Variants in CENPE observed in about 807,000 individuals in gnomAD.
CENPE encodes the protein centromere-associated protein E.
A neutral mutation model predicts 336.1 loss-of-function variants in CENPE; 145 were observed. The ratio of observed to expected loss-of-function variants is 0.43; its 90% confidence interval spans 0.38 to 0.50. CENPE has a LOEUF of 0.50. Among genes scored for constraint, CENPE ranks in the 20% least tolerant of loss-of-function variants. CENPE has a pLI of 0.00. For synonymous variants in CENPE, 1,013 were observed against 984.8 expected (o/e 1.03, Z -0.54); for missense variants, 2,719 against 3,023.3 (o/e 0.90, Z 2.36).
At chr4:103,140,727 G>A in intron 36 of CENPE, 87 bp downstream of exon 36, 1 of 1,111,922 alleles carries the variant, frequency 9.0e-7, no homozygotes, top group African/African-American at 1.6e-5. Context: ...CTAGGTTTTA[G>A]TCACCAGACA....
At chr4:103,170,888 T>C (rs1480035706) in intron 16 of CENPE, among the ~76,000 whole-genome samples, 6 of 152,160 alleles carry the variant, frequency 3.9e-5, no homozygotes, top group East Asian at 1.9e-4. Context: ...GGAGAAGCTA[T>C]ACTTATATCA....
intron 16 of CENPE, among the ~76,000 whole-genome samples, chr4:103,173,276 T>C (rs546900644): frequency 8.5e-5 from 13 of 152,122 alleles, no homozygotes; most frequent in African/African-American, 2.9e-4. Flanking sequence ...TCTTCAATAG[T>C]GGTGCTGGGA....
intron 43 of CENPE, among the ~76,000 whole-genome samples, chr4:103,121,549 CTTT>C (rs11454081): frequency 4.4e-5 from 6 of 135,878 alleles, no homozygotes; most frequent in Admixed American, 7.4e-5. Context: ...TTCTTTCTTT[CTTT>C]TTTTTTTTTT....
chr4:103,153,029 T>C lies in CENPE; in HGVS notation c.3237+18A>G, dbSNP rs1305226326. ...GAAGACAAAAAGGTAATGCCAAGTA[T>C]ACAGTGCTAAATCCTACCATTTCAA... On this transcript the variant is annotated intron_variant, in intron 25 of 48. Coordinates refer to ENST00000265148, the MANE Select transcript of CENPE (RefSeq NM_001813.3). 1.3e-6 allele frequency: 2 copies of C among 1,566,512 alleles called. No individual in the cohort carries two copies. Among genetic ancestry groups the C allele is most frequent in the Non-Finnish European group, 1.7e-6 (2 of 1,148,364 alleles).
intron 26 of CENPE, 27 bp from the exon 27 acceptor site, chr4:103,149,435 C>T: frequency 1.3e-6 from 2 of 1,521,082 alleles, no homozygotes; most frequent in Non-Finnish European, 1.7e-6. Flanking sequence ...TTTATAATTA[C>T]CATTTTACTT....
Position 103,141,847 on chromosome 4 carries a change from G to A in CENPE, c.5366C>T (p.Thr1789Ile), listed in dbSNP as rs1752590228. 1.2e-6 allele frequency: 2 copies of A among 1,600,420 alleles called. No homozygotes were observed. The highest frequency in any genetic ancestry group is 1.7e-6 in the Non-Finnish European group (2 of 1,170,808). Residue 1789 changes from threonine to isoleucine, a missense_variant, in exon 35 of 49, where the codon ACT (threonine) becomes ATT (isoleucine). By Grantham distance (89) the Thr-to-Ile change is moderately conservative. Around this residue, in one of 5 missense-constraint regions of CENPE, gnomAD observed 2,437 missense variants for 2,513.3 expected, o/e 0.97. Coordinates refer to ENST00000265148, the MANE Select transcript of CENPE (RefSeq NM_001813.3). Reference protein sequence around the residue: ...AHMHLKEQQETIDKLRGIVSE... With the variant: ...AHMHLKEQQEIIDKLRGIVSE... ...AACAATTCCTCTGAGTTTGTCAATA[G>A]TTTCCTGCTGCTCTTTCAGATGCAT...
chr4:103,167,601 G>T (rs1392656883), intron 16 of CENPE, among the ~76,000 whole-genome samples: 1 of 152,128 alleles, frequency 6.6e-6, no homozygotes, highest in Non-Finnish European at 1.5e-5. Flanking sequence ...AAAACAACAA[G>T]AATTCTGTAC....
At chr4:103,144,218 G>T in intron 33 of CENPE, 113 bp downstream of exon 33, 1 of 835,480 alleles carries the variant, frequency 1.2e-6, no homozygotes. Flanking sequence ...TTACCGGCTC[G>T]AGCCACCGCG....
At chr4:103,194,340 T>C in intron 7 of CENPE, 34 bp downstream of exon 7, 1 of 1,608,246 alleles carries the variant, frequency 6.2e-7, no homozygotes, top group African/African-American at 1.3e-5. Context: ...CATTCTTACT[T>C]GGAAAGATCT....
intron 8 of CENPE, among the ~76,000 whole-genome samples, chr4:103,187,941 T>A (rs1040746990): frequency 1.3e-5 from 2 of 151,918 alleles, no homozygotes; most frequent in African/African-American, 4.8e-5. Flanking sequence ...AATAAAGGGA[T>A]GGAGGAAGAT....
intron 42 of CENPE, among the ~76,000 whole-genome samples, chr4:103,130,669 A>C (rs1310780319): frequency 6.6e-6 from 1 of 152,176 alleles, no homozygotes; most frequent in Non-Finnish European, 1.5e-5. Context: ...CAAAGTTTAT[A>C]TGGAGAGGCA....
At chr4:103,152,713 T>C (rs193254129) in intron 25 of CENPE, among the ~76,000 whole-genome samples, 1 of 152,242 alleles carries the variant, frequency 6.6e-6, no homozygotes, top group African/African-American at 2.4e-5. Flanking sequence ...AAGTCAAACA[T>C]AAGAGACTAC....
rs1344374822 is a variant in CENPE at position 103,106,271 on chromosome 4, G to A, written c.8057C>T (p.Pro2686Leu). The change falls in exon 49 of 49, where the codon CCT becomes CTT. Residue 2686 changes from proline to leucine, a missense_variant. Pro to Leu is a moderately conservative substitution (Grantham distance 98). Around this residue, in one of 5 missense-constraint regions of CENPE, gnomAD observed 2,437 missense variants for 2,513.3 expected, o/e 0.97. Transcript: ENST00000265148. ...GAESVDSQPGPWHASSGKDVP... is the reference protein window; with the variant it reads ...GAESVDSQPGLWHASSGKDVP... ...ATCCTTGCCTGAGGAGGCGTGCCAAGGACCTGGCTGAGAATCCACACTCTC... is the reference window on the plus strand; with the variant it reads ...ATCCTTGCCTGAGGAGGCGTGCCAAAGACCTGGCTGAGAATCCACACTCTC... 2 of 1,603,214 alleles carry A rather than the reference G, an allele frequency of 1.2e-6. No individual in the cohort carries two copies.
rs533660054 is a variant in CENPE, at chr4:103,107,737, C to T, written c.8011+1066G>A. Among the ~76,000 whole-genome samples the T allele has an allele frequency of 3.9e-5, 6 of 152,248 alleles. No individual in the cohort carries two copies. In the East Asian group the frequency reaches 5.8e-4, roughly 15 times the overall value. ...GATTTTACTCCAAAATCTCTCCCGTCGGTCTACTTCTCTCCTTCTCTACTC... is the reference window on the plus strand; with the variant it reads ...GATTTTACTCCAAAATCTCTCCCGTTGGTCTACTTCTCTCCTTCTCTACTC... On this transcript the variant is annotated intron_variant, in intron 48 of 48. Transcript: ENST00000265148.
At chr4:103,133,452 T>C (rs1189331091) in intron 41 of CENPE, among the ~76,000 whole-genome samples, 4 of 152,176 alleles carry the variant, frequency 2.6e-5, no homozygotes, top group Non-Finnish European at 5.9e-5. Flanking sequence ...ACACATTCCA[T>C]GTGGAGTTGT....
chr4:103,130,910 C>CAAAA (rs1553926179), intron 42 of CENPE, among the ~76,000 whole-genome samples: 1 of 94,226 alleles, frequency 1.1e-5, no homozygotes, highest in African/African-American at 3.9e-5. Context: ...CTTCTACAAG[C>CAAAA]GAAAAAAAAA....
chr4:103,130,911 G>A (rs7661201), intron 42 of CENPE, among the ~76,000 whole-genome samples: 30,568 of 106,540 alleles, frequency 0.29, 3,668 homozygotes, highest in South Asian at 0.41. Context: ...TTCTACAAGC[G>A]AAAAAAAAAA....
chr4:103,109,282 A>G (rs1749181686), intron 47 of CENPE, among the ~76,000 whole-genome samples, 193 bp from the exon 48 acceptor site: 1 of 152,166 alleles, frequency 6.6e-6, no homozygotes, highest in Middle Eastern at 3.2e-3. Flanking sequence ...CAGAAAACAA[A>G]ATGGATCTAT....
intron 22 of CENPE, 58 bp from the exon 23 acceptor site, chr4:103,158,944 A>G: frequency 6.5e-7 from 1 of 1,543,228 alleles, no homozygotes; most frequent in Non-Finnish European, 8.7e-7. Flanking sequence ...TGAGGCATAC[A>G]TATATACAGA....
Sources: gnomAD v4.1 joint callset for allele counts (sites outside exome capture counted in the v4.1 genomes callset) on GRCh38, gnomAD v4.1.1 for gene constraint, gnomAD v4.1.1 regional missense constraint, MANE v1.5 for transcripts, NCBI Gene and HGNC (gene_info 2026-07-23, HGNC 2026-07-21) for gene names.